MYO5B: variants seen among roughly 807,000 people sequenced by gnomAD.
The protein encoded by MYO5B is myosin VB.
Under a neutral mutation model 229.3 loss-of-function variants are expected in MYO5B, and 143 were observed. The observed-to-expected ratio is 0.62, with a 90% CI of 0.54 to 0.72. The LOEUF (loss-of-function observed/expected upper bound fraction) is 0.72, where lower values mean the gene tolerates loss of function less well. Ranked by LOEUF, MYO5B falls within the 30% of genes least tolerant of loss-of-function variation. MYO5B has a pLI of 0.00. For synonymous variants in MYO5B, 918 were observed against 885.2 expected (o/e 1.04, Z -0.66); for missense variants, 2,321 against 2,331.0 (o/e 1.00, Z 0.09).
intron 9 of MYO5B, 45 bp downstream of exon 9, chr18:49,980,399 G>C (rs766528218): frequency 7.5e-7 from 1 of 1,332,638 alleles, no homozygotes; most frequent in East Asian, 2.3e-5. Flanking sequence ...CAAAGAACAG[G>C]GTAAATTGTG....
intron 26 of MYO5B, 59 bp from the exon 27 acceptor site, chr18:49,872,291 T>C (rs2024464488): frequency 3.9e-6 from 6 of 1,556,786 alleles, no homozygotes; most frequent in Non-Finnish European, 5.3e-6. Flanking sequence ...TCCACAGAGG[T>C]GTTTCCAACT....
At chr18:49,901,737 A>G (rs948643) in intron 21 of MYO5B, among the ~76,000 whole-genome samples, 150,296 of 152,364 alleles carry the variant, frequency 0.99, 74,131 homozygotes, top group East Asian at 1. Flanking sequence ...AGACAGAGAG[A>G]CAGAAGGGCA....
intron 1 of MYO5B, among the ~76,000 whole-genome samples, chr18:50,086,972 G>T (rs1037741118): frequency 6.6e-6 from 1 of 152,046 alleles, no homozygotes; most frequent in African/African-American, 2.4e-5. Flanking sequence ...GGACTGACTG[G>T]GAATAGTAAA....
intron 29 of MYO5B, among the ~76,000 whole-genome samples, chr18:49,862,871 G>A (rs1420384609): frequency 6.6e-6 from 1 of 151,980 alleles, no homozygotes; most frequent in Non-Finnish European, 1.5e-5. Flanking sequence ...TGGCTAAGCA[G>A]CCCTCTGCTG....
chr18:49,992,911 C>T (rs1416713481), intron 5 of MYO5B, among the ~76,000 whole-genome samples: 1 of 152,200 alleles, frequency 6.6e-6, no homozygotes, highest in African/African-American at 2.4e-5. Context: ...ACTTAATACA[C>T]TTTGATCAGT....
At chr18:50,190,452 T>C (rs1409842890) in intron 1 of MYO5B, among the ~76,000 whole-genome samples, 1 of 152,200 alleles carries the variant, frequency 6.6e-6, no homozygotes, top group East Asian at 1.9e-4. Context: ...TGAGAGTGAA[T>C]GAGACTGACT....
chr18:49,927,894 C>A lies in MYO5B; in HGVS notation c.2090+1618G>T, dbSNP rs550434904. ...CACAATGAAAACAAAGATAAGTAGACGGGACTTAAACTAAAAAACTTCTGC... is the reference window on the plus strand; with the variant it reads ...CACAATGAAAACAAAGATAAGTAGAAGGGACTTAAACTAAAAAACTTCTGC... On this transcript the variant is annotated intron_variant, in intron 17 of 39. Coordinates refer to ENST00000285039, the MANE Select transcript of MYO5B (RefSeq NM_001080467.3). Among the ~76,000 whole-genome samples, 4 of 152,086 alleles carry A rather than the reference C, an allele frequency of 2.6e-5. No individual in the cohort carries two copies. In the South Asian group the frequency reaches 8.3e-4, roughly 32 times the overall value.
At chr18:49,826,892 A>G (rs1481936282) in intron 39 of MYO5B, among the ~76,000 whole-genome samples, 2 of 152,096 alleles carry the variant, frequency 1.3e-5, no homozygotes, top group African/African-American at 4.8e-5. Context: ...AGAATATAAA[A>G]TACATCTCAG....
At chr18:49,902,169 T>C (rs1244057186) in intron 21 of MYO5B, among the ~76,000 whole-genome samples, 2 of 152,214 alleles carry the variant, frequency 1.3e-5, no homozygotes, top group African/African-American at 4.8e-5. Flanking sequence ...CTGGACGCTC[T>C]AGGGGAGAGT....
At chr18:49,982,575 A>T (rs1313653113) in intron 8 of MYO5B, among the ~76,000 whole-genome samples, 1 of 152,192 alleles carries the variant, frequency 6.6e-6, no homozygotes, top group African/African-American at 2.4e-5. Context: ...TAAAAACAAA[A>T]ATCAATCAAA....
At chr18:50,085,053 A>T (rs1428555546) in intron 1 of MYO5B, among the ~76,000 whole-genome samples, 1 of 152,230 alleles carries the variant, frequency 6.6e-6, no homozygotes, top group Non-Finnish European at 1.5e-5. Flanking sequence ...CAAAAGCAAA[A>T]ACTGACAAAT....
intron 1 of MYO5B, among the ~76,000 whole-genome samples, chr18:50,133,675 G>A (rs530148696): frequency 1.2e-4 from 19 of 152,256 alleles, no homozygotes; most frequent in South Asian, 1.2e-3. Flanking sequence ...TTTGCAAGGT[G>A]GGGCTTATAC....
chr18:49,953,959 GTGTGTGTA>G (rs1377894154), intron 13 of MYO5B, among the ~76,000 whole-genome samples: 2 of 100,150 alleles, frequency 2.0e-5, no homozygotes, highest in Non-Finnish European at 4.1e-5. Context: ...AGACATGTGT[GTGTGTGTA>G]TGTGTGTGTG....
chr18:49,913,187 G>C (rs1232097731), intron 17 of MYO5B, among the ~76,000 whole-genome samples: 1 of 152,134 alleles, frequency 6.6e-6, no homozygotes, highest in Non-Finnish European at 1.5e-5. Flanking sequence ...TGTGTGGGAG[G>C]GGAATCTTTA....
chr18:50,046,920 C>T (rs1434157866), intron 2 of MYO5B, among the ~76,000 whole-genome samples: 1 of 152,152 alleles, frequency 6.6e-6, no homozygotes. Flanking sequence ...CTTCCTTACA[C>T]CTTATACAAA....
intron 1 of MYO5B, among the ~76,000 whole-genome samples, chr18:50,086,663 A>C (rs2031336814): frequency 1.3e-5 from 2 of 152,370 alleles, no homozygotes; most frequent in South Asian, 4.1e-4. Flanking sequence ...GATAATTTCC[A>C]CATTTGTGGA....
At chr18:49,883,332 A>G (rs1057428178) in intron 22 of MYO5B, among the ~76,000 whole-genome samples, 1 of 151,210 alleles carries the variant, frequency 6.6e-6, no homozygotes, top group African/African-American at 2.5e-5. Flanking sequence ...ACAAAACTCA[A>G]TTGTATTTGT....
rs2026378213 is a variant in MYO5B at position 50,030,726 on chromosome 18, C to G, written c.455+6124G>C. Among the ~76,000 whole-genome samples, 3 of 151,800 alleles carry G rather than the reference C, an allele frequency of 2.0e-5. No homozygotes were observed. The South Asian group carries it at 6.3e-4, about 32-fold the overall frequency. On this transcript the variant is annotated intron_variant, in intron 4 of 39. Coordinates refer to ENST00000285039, the MANE Select transcript of MYO5B (RefSeq NM_001080467.3). The stretch of plus-strand genomic sequence containing the variant: ...CTCCACAGGCCTCCAAGCTGCACAC[C>G]CCTCCCCAGGACCCCAGGCAACAGC...
intron 17 of MYO5B, among the ~76,000 whole-genome samples, chr18:49,923,062 A>C (rs2025091984): frequency 6.6e-6 from 1 of 152,192 alleles, no homozygotes; most frequent in Non-Finnish European, 1.5e-5. Context: ...GCATGCTACA[A>C]CTAGGGGAGT....
Sources: gnomAD v4.1 joint callset for allele counts (sites outside exome capture counted in the v4.1 genomes callset) on GRCh38, gnomAD v4.1.1 for gene constraint, MANE v1.5 for transcripts, NCBI Gene and HGNC (gene_info 2026-07-23, HGNC 2026-07-21) for gene names.